Variants in NKAIN2 observed in about 807,000 individuals in gnomAD.
NKAIN2 encodes the protein sodium/potassium transporting ATPase interacting 2, also known as sodium/potassium-transporting ATPase subunit beta-1-interacting protein 2.
NKAIN2 carries 14 observed loss-of-function variants against 32.6 expected under a neutral mutation model. The ratio of observed to expected loss-of-function variants is 0.43; its 90% confidence interval spans 0.28 to 0.67. The LOEUF is 0.67. Ranked by LOEUF, NKAIN2 falls within the 30% of genes least tolerant of loss-of-function variation. The pLI is 0.17. For missense variants in NKAIN2, 198 were observed against 258.3 expected (o/e 0.77, Z 1.60); for synonymous variants, 80 against 87.2 (o/e 0.92, Z 0.46).
At chr6:124,116,602 T>A (rs961368635) in intron 1 of NKAIN2, among the ~76,000 whole-genome samples, 11 of 152,174 alleles carry the variant, frequency 7.2e-5, no homozygotes, top group African/African-American at 2.7e-4. Flanking sequence ...TTTTTGTTTT[T>A]GTTTTTTTGT....
chr6:124,668,204 C>T (rs916746463), intron 4 of NKAIN2, among the ~76,000 whole-genome samples: 1 of 152,114 alleles, frequency 6.6e-6, no homozygotes, highest in Non-Finnish European at 1.5e-5. Flanking sequence ...CTTTATTATA[C>T]TCAAGGAAGC....
At chr6:123,991,240 G>C (rs2114688962) in intron 1 of NKAIN2, among the ~76,000 whole-genome samples, 1 of 152,258 alleles carries the variant, frequency 6.6e-6, no homozygotes, top group Middle Eastern at 3.4e-3. Flanking sequence ...TCTATGAACA[G>C]ATACTTAATG....
chr6:124,129,289 A>G (rs1397580031), intron 1 of NKAIN2, among the ~76,000 whole-genome samples: 1 of 152,210 alleles, frequency 6.6e-6, no homozygotes, highest in Non-Finnish European at 1.5e-5. Context: ...GAAAGAAGCA[A>G]GAAAAAAAGG....
At chr6:124,514,729 C>G (rs1288787213) in intron 3 of NKAIN2, among the ~76,000 whole-genome samples, 1 of 150,656 alleles carries the variant, frequency 6.6e-6, no homozygotes, top group Non-Finnish European at 1.5e-5. Flanking sequence ...CAGTAGTTTT[C>G]CAACTTGGCT....
At chr6:124,707,523 G>A (rs898852938) in intron 4 of NKAIN2, among the ~76,000 whole-genome samples, 2 of 135,532 alleles carry the variant, frequency 1.5e-5, no homozygotes, top group African/African-American at 5.8e-5. Flanking sequence ...ACTTTTTAAT[G>A]ATTGCCATTT....
At chr6:124,792,320 T>C (rs1779782039) in intron 5 of NKAIN2, among the ~76,000 whole-genome samples, 2 of 152,116 alleles carry the variant, frequency 1.3e-5, no homozygotes, top group South Asian at 4.1e-4. Context: ...CCCTTTCCAA[T>C]TATACTGGAA....
In NKAIN2 at chr6:124,421,012, A is replaced by T. The variant is rs181578989; in HGVS notation, c.273+65665A>T. Among the ~76,000 whole-genome samples, 878 of 151,050 alleles carry T rather than the reference A, an allele frequency of 5.8e-3. 6 individuals carry two copies. The highest frequency in any genetic ancestry group is 0.01 in the Admixed American group (152 of 15,074). On this transcript the variant is annotated intron_variant, in intron 3 of 6. Coordinates refer to ENST00000368417, the MANE Select transcript of NKAIN2 (RefSeq NM_001040214.3). ...TGTACTCATTTCTCATTAGAAGTTT[A>T]GCCACGAAGTAGCTTTTCAAGAAAA...
At chr6:124,171,287 T>A (rs548426777) in intron 1 of NKAIN2, among the ~76,000 whole-genome samples, 1 of 152,272 alleles carries the variant, frequency 6.6e-6, no homozygotes, top group East Asian at 1.9e-4. Flanking sequence ...CTCTCTAGCA[T>A]ATCTTTCTAA....
At chr6:124,745,734 T>C (rs1449410076) in intron 4 of NKAIN2, among the ~76,000 whole-genome samples, 1 of 151,914 alleles carries the variant, frequency 6.6e-6, no homozygotes, top group Non-Finnish European at 1.5e-5. Context: ...TGTGTTTCTG[T>C]GTATTCTTTA....
chr6:123,985,948 G>A (rs9491028), intron 1 of NKAIN2, among the ~76,000 whole-genome samples: 8,229 of 152,226 alleles, frequency 0.054, 773 homozygotes, highest in African/African-American at 0.19. Context: ...AAAAAGTTAG[G>A]TATGACTGGA....
At chr6:124,788,921 G>A (rs1296475288) in intron 4 of NKAIN2, among the ~76,000 whole-genome samples, 1 of 152,016 alleles carries the variant, frequency 6.6e-6, no homozygotes, top group Non-Finnish European at 1.5e-5. Flanking sequence ...TATGAATCTT[G>A]GTTAATTTGG....
rs1554218242 is a variant in NKAIN2 at position 123,874,908 on chromosome 6, C to CATACATACAT, written c.54+70657_54+70658insCATACATATA. ...TCCTACATACATACATACATACATACATATATATATGTGTGTGTGTGTGTA... is the reference window on the plus strand; with the variant it reads ...TCCTACATACATACATACATACATACATACATACATATATATATATGTGTGTGTGTGTGTA... On this transcript the variant is annotated intron_variant, in intron 1 of 6. Coordinates refer to ENST00000368417, the MANE Select transcript of NKAIN2 (RefSeq NM_001040214.3). Among the ~76,000 whole-genome samples the CATACATACAT allele has an allele frequency of 6.0e-3, 815 of 134,822 alleles. 5 individuals carry two copies. Among genetic ancestry groups the CATACATACAT allele is most frequent in the Middle Eastern group, 0.026 (7 of 266 alleles). The allele number at this position is 134,822 out of a possible 152,430, so 88.4% of individuals were successfully genotyped here. A position where few individuals can be genotyped will look rare whatever the true frequency, so the allele number is the denominator to read the frequency against.
At chr6:124,518,193 G>C (rs1244979121) in intron 3 of NKAIN2, among the ~76,000 whole-genome samples, 3 of 150,488 alleles carry the variant, frequency 2.0e-5, no homozygotes, top group Non-Finnish European at 4.4e-5. Context: ...AATTCTCTCT[G>C]CACATTTTGT....
At chr6:123,975,729 A>G (rs1778536178) in intron 1 of NKAIN2, among the ~76,000 whole-genome samples, 1 of 152,070 alleles carries the variant, frequency 6.6e-6, no homozygotes, top group Admixed American at 6.6e-5. Context: ...TTAGCCCTTT[A>G]TAAAGGCACC....
intron 3 of NKAIN2, among the ~76,000 whole-genome samples, chr6:124,489,759 C>A (rs1486651365): frequency 6.6e-6 from 1 of 151,690 alleles, no homozygotes; most frequent in African/African-American, 2.4e-5. Flanking sequence ...AGTTGGAGTC[C>A]ACTTGTATTG....
intron 3 of NKAIN2, among the ~76,000 whole-genome samples, chr6:124,620,918 A>G (rs528549963): frequency 2.0e-4 from 30 of 152,332 alleles, no homozygotes; most frequent in African/African-American, 7.0e-4. Flanking sequence ...GTAAACTTCA[A>G]AATCTTGACA....
At chr6:123,894,652 G>C (rs1012008481) in intron 1 of NKAIN2, among the ~76,000 whole-genome samples, 3 of 152,090 alleles carry the variant, frequency 2.0e-5, no homozygotes, top group Non-Finnish European at 4.4e-5. Context: ...GACAGCTCTT[G>C]GGGGACTTTC....
intron 4 of NKAIN2, among the ~76,000 whole-genome samples, chr6:124,661,810 T>G (rs190938974): frequency 6.6e-6 from 1 of 152,172 alleles, no homozygotes; most frequent in East Asian, 1.9e-4. Context: ...TCAAAATAGA[T>G]AAAATAAATG....
At chr6:124,640,537 A>G (rs1394814333) in intron 3 of NKAIN2, among the ~76,000 whole-genome samples, 2 of 152,168 alleles carry the variant, frequency 1.3e-5, no homozygotes, top group Admixed American at 6.5e-5. Flanking sequence ...CAAACAGGAA[A>G]GTGAGAAAAC....
Sources: allele counts gnomAD v4.1 joint callset (sites outside exome capture counted in the v4.1 genomes callset), GRCh38; gene constraint gnomAD v4.1.1; transcripts MANE v1.5; gene names NCBI Gene and HGNC (gene_info 2026-07-23, HGNC 2026-07-21).